DLG2: variants seen among roughly 807,000 people sequenced by gnomAD.
The protein encoded by DLG2 is discs large MAGUK scaffold protein 2, also known as disks large homolog 2.
In DLG2, 45 loss-of-function variants were observed where a neutral mutation model predicts 132.5. The ratio of observed to expected loss-of-function variants is 0.34; its 90% confidence interval spans 0.27 to 0.44. The LOEUF is 0.44. DLG2 is among the 20% of genes least tolerant of loss of function. The probability of loss-of-function intolerance (pLI) is 1.00; values close to 1 mark genes in which losing one functional copy is unlikely to be tolerated. For missense variants in DLG2, 1,045 were observed against 1,196.9 expected (o/e 0.87, Z 1.87); for synonymous variants, 424 against 419.6 (o/e 1.01, Z -0.13).
At chr11:83,925,117 C>G (rs1329089633) in intron 15 of DLG2, among the ~76,000 whole-genome samples, 3 of 152,090 alleles carry the variant, frequency 2.0e-5, no homozygotes, top group East Asian at 3.9e-4. Flanking sequence ...TCCCACATAA[C>G]AATCTGAAAC....
At chr11:84,051,043 T>C (rs556756668) in intron 11 of DLG2, among the ~76,000 whole-genome samples, 7 of 152,040 alleles carry the variant, frequency 4.6e-5, no homozygotes, top group Non-Finnish European at 5.9e-5. Flanking sequence ...TCGCTGGCCA[T>C]CAGAGAAATG....
intron 15 of DLG2, among the ~76,000 whole-genome samples, chr11:83,896,129 A>G (rs1565541518): frequency 6.6e-6 from 1 of 152,238 alleles, no homozygotes. Flanking sequence ...TTCACTAAAA[A>G]GGACAATATA....
intron 3 of DLG2, among the ~76,000 whole-genome samples, chr11:85,300,574 G>C (rs1027082740): frequency 2.6e-5 from 4 of 152,144 alleles, no homozygotes; most frequent in Admixed American, 6.5e-5. Flanking sequence ...AGATAGATGG[G>C]AAAGAAAATT....
chr11:83,979,430 A>G (rs1429106270), intron 12 of DLG2, among the ~76,000 whole-genome samples: 1 of 152,186 alleles, frequency 6.6e-6, no homozygotes, highest in Non-Finnish European at 1.5e-5. Context: ...CTTGAGAGCT[A>G]CCTACTATTA....
rs185961896 is a variant in DLG2, at chr11:84,264,901, A to C, written c.520-13610T>G. ...CTAGGACTGGCTGTGGCCCTGTAGA[A>C]CTTAGTCAAGTCACTTAACTCTCTG... On this transcript the variant is annotated intron_variant, in intron 7 of 27. Coordinates refer to ENST00000376104, the MANE Select transcript of DLG2 (RefSeq NM_001142699.3). Among the ~76,000 whole-genome samples the C allele has an allele frequency of 3.0e-4, 45 of 152,316 alleles. 1 individual carries two copies. Among genetic ancestry groups the C allele is most frequent in the African/African-American group, 9.4e-4 (39 of 41,570 alleles).
intron 6 of DLG2, among the ~76,000 whole-genome samples, chr11:84,897,890 A>T (rs2090407422): frequency 6.6e-6 from 1 of 151,842 alleles, no homozygotes. Flanking sequence ...TGGAACACAT[A>T]GTTTCTACCC....
At chr11:84,019,075 G>A (rs1433568881) in intron 11 of DLG2, among the ~76,000 whole-genome samples, 1 of 151,774 alleles carries the variant, frequency 6.6e-6, no homozygotes, top group African/African-American at 2.4e-5. Context: ...GGTAGTTACA[G>A]GATTTTTGTC....
intron 18 of DLG2, among the ~76,000 whole-genome samples, chr11:83,706,752 T>C (rs775221092): frequency 4.6e-5 from 7 of 152,228 alleles, no homozygotes; most frequent in Non-Finnish European, 8.8e-5. Flanking sequence ...GTTTTGTGCA[T>C]GCCAGAGTGG....
chr11:84,240,684 T>G (rs369973014), intron 8 of DLG2, among the ~76,000 whole-genome samples: 19 of 152,250 alleles, frequency 1.2e-4, no homozygotes, highest in African/African-American at 4.3e-4. Context: ...GTGGACTAAT[T>G]GAACAGGGTG....
chr11:85,067,869 T>A (rs1436896520), intron 6 of DLG2, among the ~76,000 whole-genome samples: 1 of 152,062 alleles, frequency 6.6e-6, no homozygotes, highest in Non-Finnish European at 1.5e-5. Flanking sequence ...TTTGGACCAA[T>A]ATCCCTGATG....
intron 7 of DLG2, among the ~76,000 whole-genome samples, chr11:84,400,012 C>T (rs1002327167): frequency 6.6e-6 from 1 of 152,220 alleles, no homozygotes; most frequent in South Asian, 2.1e-4. Context: ...AGATCCTCAA[C>T]AGCTCAGTTA....
At chr11:85,529,009 G>A (rs780899732) in intron 3 of DLG2, among the ~76,000 whole-genome samples, 6 of 152,168 alleles carry the variant, frequency 3.9e-5, no homozygotes, top group Non-Finnish European at 8.8e-5. Context: ...GAAAATTAAT[G>A]AAGTATAGCT....
chr11:83,547,874 G>T (rs964625231), intron 19 of DLG2, among the ~76,000 whole-genome samples: 4 of 152,124 alleles, frequency 2.6e-5, no homozygotes, highest in Admixed American at 6.6e-5. Flanking sequence ...TGTAGAAATG[G>T]CTTTTGAATT....
At chr11:83,879,447 C>G (rs1467079635) in intron 15 of DLG2, among the ~76,000 whole-genome samples, 1 of 152,148 alleles carries the variant, frequency 6.6e-6, no homozygotes, top group Non-Finnish European at 1.5e-5. Flanking sequence ...TCATCTCTCT[C>G]TTGCATATTT....
intron 18 of DLG2, among the ~76,000 whole-genome samples, chr11:83,729,147 A>G (rs1305992168): frequency 6.6e-6 from 1 of 152,190 alleles, no homozygotes; most frequent in Non-Finnish European, 1.5e-5. Flanking sequence ...TTATTTATCA[A>G]CTGCTTAACA....
intron 7 of DLG2, among the ~76,000 whole-genome samples, chr11:84,418,580 T>C (rs916167717): frequency 1.3e-5 from 2 of 152,196 alleles, no homozygotes; most frequent in Non-Finnish European, 2.9e-5. Context: ...TATTGCACTG[T>C]ATTTTCTTGT....
At chr11:84,764,733 T>C (rs563140496) in intron 6 of DLG2, among the ~76,000 whole-genome samples, 1 of 152,266 alleles carries the variant, frequency 6.6e-6, no homozygotes, top group South Asian at 2.1e-4. Flanking sequence ...TATTCATTAA[T>C]TTATTCAAAA....
intron 6 of DLG2, among the ~76,000 whole-genome samples, chr11:84,747,663 C>T (rs2065554265): frequency 6.6e-6 from 1 of 152,190 alleles, no homozygotes; most frequent in Non-Finnish European, 1.5e-5. Flanking sequence ...GTCTCACGAG[C>T]TGCCTTTTTT....
At chr11:83,713,394 A>T (rs2085942078) in intron 18 of DLG2, among the ~76,000 whole-genome samples, 1 of 152,234 alleles carries the variant, frequency 6.6e-6, no homozygotes, top group Non-Finnish European at 1.5e-5. Context: ...TCCAGAGTCG[A>T]AGAACATCAA....
Sources: allele counts gnomAD v4.1 joint callset (sites outside exome capture counted in the v4.1 genomes callset), GRCh38; gene constraint gnomAD v4.1.1; transcripts MANE v1.5; gene names NCBI Gene and HGNC (gene_info 2026-07-23, HGNC 2026-07-21).